NDUFAF6: variants seen among roughly 807,000 people sequenced by gnomAD.
NDUFAF6 encodes the protein NADH:ubiquinone oxidoreductase complex assembly factor 6.
Under a neutral mutation model 40.8 loss-of-function variants are expected in NDUFAF6, and 45 were observed. That is an observed-to-expected ratio of 1.10 (90% CI 0.87 to 1.42). The LOEUF is 1.42. NDUFAF6 is among the 40% of genes most tolerant of loss of function. The pLI is 0.00. For synonymous variants in NDUFAF6, 185 were observed against 155.9 expected (o/e 1.19, Z -1.39); for missense variants, 435 against 418.5 (o/e 1.04, Z -0.34).
chr8:95,045,757 T>G, intron 5 of NDUFAF6, 110 bp downstream of exon 5: 1 of 784,200 alleles, frequency 1.3e-6, no homozygotes, highest in Non-Finnish European at 2.1e-6. Context: ...CCTTCCTTTA[T>G]ACTATCTGTA....
At chr8:94,969,800 T>A (rs1033566501) in intron 1 of NDUFAF6, among the ~76,000 whole-genome samples, 5 of 152,042 alleles carry the variant, frequency 3.3e-5, no homozygotes, top group African/African-American at 7.2e-5. Flanking sequence ...CTTAGGATCT[T>A]TACAATGGAA....
At chr8:94,990,237 G>T (rs1208221222) in intron 2 of NDUFAF6, among the ~76,000 whole-genome samples, 1 of 152,184 alleles carries the variant, frequency 6.6e-6, no homozygotes. Context: ...ATATAAGGTG[G>T]TTTGGAATTA....
intron 2 of NDUFAF6, among the ~76,000 whole-genome samples, chr8:94,952,070 A>C (rs1232582427): frequency 1.3e-5 from 2 of 152,140 alleles, no homozygotes; most frequent in Non-Finnish European, 2.9e-5. Flanking sequence ...TGTGGGGGTG[A>C]CCCTTTCCCC....
intron 2 of NDUFAF6, among the ~76,000 whole-genome samples, chr8:94,997,371 G>GAC (rs1826502642): frequency 3.4e-5 from 5 of 148,248 alleles, no homozygotes; most frequent in African/African-American, 9.9e-5. Context: ...GAGAGACAGA[G>GAC]AGAATGTAAG....
At chr8:95,064,400 C>G (rs1432669310) in intron 9 of NDUFAF6, among the ~76,000 whole-genome samples, 1 of 152,028 alleles carries the variant, frequency 6.6e-6, no homozygotes, top group Non-Finnish European at 1.5e-5. Context: ...TTATTTTCTT[C>G]TTACACAACT....
intron 1 of NDUFAF6, chr8:94,976,002 A>G (rs1397281548): frequency 6.6e-6 from 1 of 151,668 alleles, no homozygotes; most frequent in Non-Finnish European, 1.5e-5. Context: ...CGAGGTCAGG[A>G]GATCGAGACC....
At chr8:94,965,495 G>A (rs1359173585) in intron 1 of NDUFAF6, among the ~76,000 whole-genome samples, 1 of 152,214 alleles carries the variant, frequency 6.6e-6, no homozygotes, top group Admixed American at 6.5e-5. Context: ...CTGTTTTTAT[G>A]TTTAAGGAAA....
chr8:94,917,568 T>C (rs1161556439), intron 1 of NDUFAF6, among the ~76,000 whole-genome samples: 1 of 151,882 alleles, frequency 6.6e-6, no homozygotes, highest in African/African-American at 2.4e-5. Context: ...GGCAATGGCA[T>C]CCCCCAAAAT....
At chr8:94,955,662 A>T (rs1330453199), upstream of NDUFAF6, among the ~76,000 whole-genome samples, 1 of 152,242 alleles carries the variant, frequency 6.6e-6, no homozygotes, top group Non-Finnish European at 1.5e-5. Flanking sequence ...ATTTTAAAAG[A>T]AAATAAAAGG....
chr8:95,042,406 A>G (rs1176817793), intron 4 of NDUFAF6, among the ~76,000 whole-genome samples: 2 of 152,210 alleles, frequency 1.3e-5, no homozygotes, highest in Admixed American at 6.5e-5. Flanking sequence ...AGCCAAAAAG[A>G]TATATTAGCT....
intron 9 of NDUFAF6, among the ~76,000 whole-genome samples, chr8:95,071,261 T>A (rs1349096695): frequency 6.6e-5 from 10 of 150,826 alleles, no homozygotes; most frequent in Admixed American, 1.3e-4. Context: ...AGCCGGGCAT[T>A]GTGGCGGGCG....
intron 4 of NDUFAF6, among the ~76,000 whole-genome samples, chr8:95,109,908 T>A (rs895042171): frequency 6.6e-6 from 1 of 152,238 alleles, no homozygotes; most frequent in Non-Finnish European, 1.5e-5. Context: ...TACAAAAAAA[T>A]TGTGAAGTTG....
intron 1 of NDUFAF6, chr8:94,929,892 T>A (rs570119310): frequency 6.5e-6 from 1 of 153,134 alleles, no homozygotes; most frequent in East Asian, 1.9e-4. Flanking sequence ...CCAAATGAAC[T>A]GTATGACTAA....
intron 1 of NDUFAF6, among the ~76,000 whole-genome samples, chr8:95,030,138 T>C (rs1828659403): frequency 6.6e-6 from 1 of 152,102 alleles, no homozygotes; most frequent in South Asian, 2.1e-4. Flanking sequence ...GTATTGGTTG[T>C]CAAGCTTTTC....
At chr8:94,948,371 C>G (rs1471735610) in intron 2 of NDUFAF6, among the ~76,000 whole-genome samples, 2 of 152,192 alleles carry the variant, frequency 1.3e-5, no homozygotes, top group Non-Finnish European at 2.9e-5. Flanking sequence ...TAAAGCAAAG[C>G]CCCCAGCATA....
At chr8:95,000,043 A>ATT (rs35353243) in intron 2 of NDUFAF6, among the ~76,000 whole-genome samples, 23 of 148,994 alleles carry the variant, frequency 1.5e-4, no homozygotes, top group Middle Eastern at 3.5e-3. Flanking sequence ...GACAGGCTGT[A>ATT]TTTTTTTTTT....
chr8:94,899,714 G>T (rs1341842585), intron 1 of NDUFAF6, among the ~76,000 whole-genome samples: 1 of 152,114 alleles, frequency 6.6e-6, no homozygotes, highest in Non-Finnish European at 1.5e-5. Flanking sequence ...CTCTGCCTTA[G>T]TTCAGGACAC....
At chr8:94,994,591 T>G (rs1374324224) in intron 2 of NDUFAF6, among the ~76,000 whole-genome samples, 6 of 151,758 alleles carry the variant, frequency 4.0e-5, no homozygotes, top group Non-Finnish European at 8.8e-5. Context: ...TCCAGCACTT[T>G]GGGAAGCCAG....
At chr8:95,084,718 C>G (rs781057703) in intron 2 of NDUFAF6, among the ~76,000 whole-genome samples, 5 of 152,178 alleles carry the variant, frequency 3.3e-5, no homozygotes, top group Non-Finnish European at 5.9e-5. Context: ...AATAAGATGG[C>G]TAGAAATCTA....
Sources: gnomAD v4.1 joint callset for allele counts (sites outside exome capture counted in the v4.1 genomes callset) on GRCh38, gnomAD v4.1.1 for gene constraint, MANE v1.5 for transcripts, NCBI Gene and HGNC (gene_info 2026-07-23, HGNC 2026-07-21) for gene names.